Variants in CLSTN2 observed in about 807,000 individuals in gnomAD.
CLSTN2 encodes the protein calsyntenin-2.
CLSTN2 carries 48 observed loss-of-function variants against 101.2 expected under a neutral mutation model. That is an observed-to-expected ratio of 0.47 (90% CI 0.38 to 0.60). The LOEUF (loss-of-function observed/expected upper bound fraction) is 0.60, where lower values mean the gene tolerates loss of function less well. CLSTN2 is among the 20% of genes least tolerant of loss of function. The pLI, the probability that CLSTN2 is intolerant of heterozygous loss-of-function variation, is 0.00. For missense variants in CLSTN2, 1,160 were observed against 1,238.2 expected, an observed-to-expected ratio of 0.94 and a Z score of 0.95; for synonymous variants, 481 against 463.6, an observed-to-expected ratio of 1.04 and a Z score of -0.48.
At chr3:140,459,450 A>T (rs1933501325) in intron 6 of CLSTN2, 71 bp from the exon 7 acceptor site, 1 of 1,568,854 alleles carries the variant, frequency 6.4e-7, no homozygotes, top group East Asian at 2.3e-5. Flanking sequence ...GTTCACCTTG[A>T]CCCAGGAGCA....
At chr3:140,165,377 T>C (rs974102436) in intron 1 of CLSTN2, among the ~76,000 whole-genome samples, 6 of 152,306 alleles carry the variant, frequency 3.9e-5, no homozygotes, top group Non-Finnish European at 7.4e-5. Context: ...ACTCACTATA[T>C]GCTGGGCACT....
At chr3:140,281,763 CGAGA>C (rs10548653) in intron 2 of CLSTN2, among the ~76,000 whole-genome samples, 136,984 of 150,946 alleles carry the variant, frequency 0.91, 62,670 homozygotes, top group Non-Finnish European at 0.96. Flanking sequence ...AGAGAGAGAG[CGAGA>C]GAGAGAGAGA....
chr3:139,943,339 C>T lies in CLSTN2; in HGVS notation c.109+7856C>T, dbSNP rs1935165033. On this transcript the variant is annotated intron_variant, in intron 1 of 16. Transcript: ENST00000458420. ...TGAAAGCACTAAATTCTAATTTTGA[C>T]CCCCTCTCCAACCCTCCCATTATGC... 2.6e-5 allele frequency among the ~76,000 whole-genome samples: 4 copies of T among 152,164 alleles called. No homozygotes were observed. The South Asian group carries it at 6.2e-4, about 24-fold the overall frequency.
chr3:139,981,551 C>A (rs758101566), intron 1 of CLSTN2, among the ~76,000 whole-genome samples: 3 of 152,200 alleles, frequency 2.0e-5, no homozygotes, highest in Admixed American at 6.5e-5. Flanking sequence ...AATGACTATT[C>A]CTGCCAGTTC....
intron 1 of CLSTN2, among the ~76,000 whole-genome samples, chr3:139,963,685 C>T (rs1434893085): frequency 2.0e-5 from 3 of 152,154 alleles, no homozygotes; most frequent in African/African-American, 4.8e-5. Context: ...TTTGATAAGG[C>T]CTTTTTGTGG....
At chr3:140,088,683 C>T (rs1025008913) in intron 1 of CLSTN2, among the ~76,000 whole-genome samples, 6 of 152,192 alleles carry the variant, frequency 3.9e-5, no homozygotes, top group Admixed American at 1.3e-4. Flanking sequence ...TGAGGTTCCT[C>T]GGAGACTGTC....
chr3:140,397,173 C>T (rs982891707), intron 2 of CLSTN2, among the ~76,000 whole-genome samples: 2 of 151,774 alleles, frequency 1.3e-5, no homozygotes, highest in African/African-American at 4.8e-5. Context: ...TACATTTTTG[C>T]AGTCCCTAAT....
At chr3:140,169,600 T>G (rs1031904335) in intron 1 of CLSTN2, among the ~76,000 whole-genome samples, 13 of 152,176 alleles carry the variant, frequency 8.5e-5, no homozygotes. Context: ...TAGCTATAGG[T>G]TTTTGTAAAA....
intron 2 of CLSTN2, among the ~76,000 whole-genome samples, chr3:140,394,636 T>TC (rs397747723): frequency 6.6e-6 from 1 of 151,740 alleles, no homozygotes; most frequent in Non-Finnish European, 1.5e-5. Context: ...CTTAACTTTT[T>TC]GTCCATCTGC....
At chr3:140,430,742 G>A (rs908444005) in intron 5 of CLSTN2, among the ~76,000 whole-genome samples, 2 of 152,242 alleles carry the variant, frequency 1.3e-5, no homozygotes, top group African/African-American at 4.8e-5. Flanking sequence ...CAGAGGCAAA[G>A]AAGTGTAACA....
chr3:139,980,120 T>C (rs934226104), intron 1 of CLSTN2, among the ~76,000 whole-genome samples: 1 of 152,134 alleles, frequency 6.6e-6, no homozygotes, highest in East Asian at 1.9e-4. Context: ...AGTAGTCTCC[T>C]GATAGTCTCT....
intron 2 of CLSTN2, among the ~76,000 whole-genome samples, chr3:140,289,884 A>G (rs1386571216): frequency 6.6e-6 from 1 of 151,742 alleles, no homozygotes; most frequent in African/African-American, 2.4e-5. Flanking sequence ...ATTCTCATGT[A>G]TGTTAAATGA....
chr3:140,377,534 C>T (rs1461201056), intron 2 of CLSTN2, among the ~76,000 whole-genome samples: 1 of 151,790 alleles, frequency 6.6e-6, no homozygotes, highest in Non-Finnish European at 1.5e-5. Context: ...CTGTGTAGGC[C>T]TAGGCTAATG....
intron 1 of CLSTN2, among the ~76,000 whole-genome samples, chr3:140,036,800 A>G (rs1331949502): frequency 6.6e-6 from 1 of 151,972 alleles, no homozygotes; most frequent in Non-Finnish European, 1.5e-5. Context: ...AGTATTTAGC[A>G]TGTTGTCACT....
At chr3:140,380,015 A>C (rs2107963716) in intron 2 of CLSTN2, among the ~76,000 whole-genome samples, 1 of 152,310 alleles carries the variant, frequency 6.6e-6, no homozygotes, top group South Asian at 2.1e-4. Flanking sequence ...AAACCCACCA[A>C]GAGATACTAC....
chr3:140,132,183 G>A (rs1285761910), intron 1 of CLSTN2, among the ~76,000 whole-genome samples: 3 of 152,068 alleles, frequency 2.0e-5, no homozygotes, highest in Non-Finnish European at 4.4e-5. Context: ...TTTAACAGGA[G>A]GAAAAAGTGT....
chr3:140,436,187 T>A (rs573516434), intron 5 of CLSTN2, among the ~76,000 whole-genome samples: 1 of 152,238 alleles, frequency 6.6e-6, no homozygotes, highest in Admixed American at 6.5e-5. Context: ...TTTTTCCCAA[T>A]GTTTTCTGAT....
At chr3:140,256,880 G>A (rs1415705733) in intron 2 of CLSTN2, among the ~76,000 whole-genome samples, 4 of 152,132 alleles carry the variant, frequency 2.6e-5, no homozygotes, top group African/African-American at 7.2e-5. Context: ...TCAAGAAGTA[G>A]CAGTCTTTCC....
Position 140,240,166 on chromosome 3 carries a change from C to A in CLSTN2, c.232+64093C>A, listed in dbSNP as rs1348135786. Among the ~76,000 whole-genome samples the A allele has an allele frequency of 2.7e-3, 48 of 18,022 alleles. 1 individual carries two copies. The highest frequency in any genetic ancestry group is 5.6e-3 in the South Asian group (2 of 360). The allele number at this position is 18,022 out of a possible 152,430, so 11.8% of individuals were successfully genotyped here. A position where few individuals can be genotyped will look rare whatever the true frequency, so the allele number is the denominator to read the frequency against. On this transcript the variant is annotated intron_variant, in intron 2 of 16. Transcript: ENST00000458420. Reference sequence around the variant, plus strand: ...TCTCTCTCTCTGTCTCTCTCTCTCTCTCTCTCTCTATATATATATATATAT... The same window carrying A: ...TCTCTCTCTCTGTCTCTCTCTCTCTATCTCTCTCTATATATATATATATAT...
Sources: allele counts gnomAD v4.1 joint callset (sites outside exome capture counted in the v4.1 genomes callset), GRCh38; gene constraint gnomAD v4.1.1; transcripts MANE v1.5; gene names NCBI Gene and HGNC (gene_info 2026-07-23, HGNC 2026-07-21).